Variants in FAM168B observed in about 807,000 individuals in gnomAD.
FAM168B encodes myelin-associated neurite-outgrowth inhibitor.
A neutral mutation model predicts 21.8 loss-of-function variants in FAM168B; 19 were observed. The ratio of observed to expected loss-of-function variants is 0.87; its 90% CI spans 0.61 to 1.28. FAM168B has a LOEUF of 1.28. Ranked by LOEUF, FAM168B falls within the 50% of genes most tolerant of loss-of-function variation. The pLI, the probability that FAM168B is intolerant of heterozygous loss-of-function variation, is 0.00. For synonymous variants in FAM168B, 126 were observed against 104.8 expected, an observed-to-expected ratio of 1.20 and a Z score of -1.24; for missense variants, 233 against 263.1, an observed-to-expected ratio of 0.89 and a Z score of 0.79.
intron 2 of FAM168B, among the ~76,000 whole-genome samples, chr2:131,077,371 G>A (rs1005214885): frequency 6.6e-6 from 1 of 152,150 alleles, no homozygotes; most frequent in Non-Finnish European, 1.5e-5. Flanking sequence ...TCAGGAGCAG[G>A]ACCAGGCCGC....
At position 131,048,493 on chromosome 2, in the gene FAM168B, C is replaced by A; in HGVS notation, c.*3972G>T. 1 of 1,128,914 alleles carries A rather than the reference C, an allele frequency of 8.9e-7. No individual in the cohort carries two copies. The highest frequency in any genetic ancestry group is 2.1e-5 in the South Asian group (1 of 47,246). 69.9% of individuals were successfully genotyped at this position (1,128,914 alleles called of 1,614,324 possible). On this transcript the variant is annotated 3_prime_UTR_variant, in exon 7 of 7. Coordinates refer to ENST00000389915, the MANE Select transcript of FAM168B (RefSeq NM_001009993.4). ...TTCAGTCCTGTGGACCAAGATAAGG[C>A]TATCCCCACAGGCTCTCTCTTCTTC...
intron 5 of FAM168B, among the ~76,000 whole-genome samples, chr2:131,053,954 A>G (rs1691852741): frequency 6.6e-6 from 1 of 152,242 alleles, no homozygotes; most frequent in Non-Finnish European, 1.5e-5. Context: ...CTGTAAGCCC[A>G]GCACTCTGGG....
Position 131,049,844 on chromosome 2 carries a change from G to A in FAM168B, c.*2621C>T. 2.0e-6 allele frequency: 2 copies of A among 985,808 alleles called. No homozygotes were observed. The highest frequency in any genetic ancestry group is 5.2e-4 in the Middle Eastern group (1 of 1,912). 61.1% of individuals were successfully genotyped at this position (985,808 alleles called of 1,614,324 possible). ...TTATGAAGCTTTGTAACAGAATTTT[G>A]ACCCAAGTTCTATTTCTTAATTGAC... On this transcript the variant is annotated 3_prime_UTR_variant, in exon 7 of 7. Coordinates refer to ENST00000389915, the MANE Select transcript of FAM168B (RefSeq NM_001009993.4).
chr2:131,085,686 C>T (rs181115868), intron 1 of FAM168B, among the ~76,000 whole-genome samples: 17 of 152,228 alleles, frequency 1.1e-4, no homozygotes, highest in African/African-American at 3.9e-4. Context: ...ACTTTAGTAA[C>T]TAAAACATTC....
At chr2:131,081,878 C>T (rs181934614) in intron 2 of FAM168B, among the ~76,000 whole-genome samples, 1 of 152,318 alleles carries the variant, frequency 6.6e-6, no homozygotes, top group African/African-American at 2.4e-5. Flanking sequence ...TGTTTTATTT[C>T]ACTTTCTGAG....
intron 2 of FAM168B, among the ~76,000 whole-genome samples, chr2:131,075,261 T>G (rs1342178757): frequency 6.8e-6 from 1 of 147,248 alleles, no homozygotes; most frequent in Non-Finnish European, 1.5e-5. Context: ...TTTTTTCCAA[T>G]GGTTTCCTTC....
At chr2:131,080,436 G>A (rs1305578666) in intron 2 of FAM168B, among the ~76,000 whole-genome samples, 6 of 150,782 alleles carry the variant, frequency 4.0e-5, no homozygotes, top group Admixed American at 2.0e-4. Context: ...TCTGCAGTTC[G>A]AGACCAGCCT....
At chr2:131,081,865 A>T (rs1693449019) in intron 2 of FAM168B, among the ~76,000 whole-genome samples, 1 of 152,210 alleles carries the variant, frequency 6.6e-6, no homozygotes, top group African/African-American at 2.4e-5. Flanking sequence ...TACATTTGTA[A>T]AATGTTTTAT....
chr2:131,069,574 A>G (rs1333220094), intron 3 of FAM168B, among the ~76,000 whole-genome samples: 2 of 151,988 alleles, frequency 1.3e-5, no homozygotes, highest in Non-Finnish European at 2.9e-5. Context: ...GCTCACTGCA[A>G]GCTCCGCCTT....
chr2:131,050,363 T>C lies in FAM168B; in HGVS notation c.*2102A>G. ...ACTCAATTGGGAAAAAAGACTTCTC[T>C]GCTACTTGGTCAGCTGAACCCCTGG... On this transcript the variant is annotated 3_prime_UTR_variant, in exon 7 of 7. Coordinates refer to ENST00000389915, the MANE Select transcript of FAM168B (RefSeq NM_001009993.4). 1 of 985,730 alleles carries C rather than the reference T, an allele frequency of 1.0e-6. No individual in the cohort carries two copies. The highest frequency in any genetic ancestry group is 4.7e-5 in the South Asian group (1 of 21,290). 61.1% of individuals were successfully genotyped at this position (985,730 alleles called of 1,614,324 possible).
chr2:131,092,937 G>A (rs1167043676), intron 1 of FAM168B, among the ~76,000 whole-genome samples: 2 of 152,070 alleles, frequency 1.3e-5, no homozygotes, highest in African/African-American at 2.4e-5. Context: ...CTGTGACCCC[G>A]ACCTTTAGGA....
chr2:131,081,320 A>C (rs1392322761), intron 2 of FAM168B, among the ~76,000 whole-genome samples: 2 of 152,198 alleles, frequency 1.3e-5, no homozygotes, highest in Admixed American at 6.5e-5. Flanking sequence ...GAGGCATCCC[A>C]TGCTAGCAGG....
Position 131,082,465 on chromosome 2 carries a change from T to C in FAM168B, c.70+112A>G. On this transcript the variant is annotated intron_variant, in intron 2 of 6. Coordinates refer to ENST00000389915, the MANE Select transcript of FAM168B (RefSeq NM_001009993.4). ...ATTTTTCACTTCCAGGTATTTTCTTTCTTGTCTAAGCCACTTTGAGCTGCG... is the reference window on the plus strand; with the variant it reads ...ATTTTTCACTTCCAGGTATTTTCTTCCTTGTCTAAGCCACTTTGAGCTGCG... 7 of 702,840 alleles carry C rather than the reference T, an allele frequency of 1.0e-5. No individual in the cohort carries two copies. The South Asian group carries it at 1.2e-4, about 12-fold the overall frequency. 43.5% of individuals were successfully genotyped at this position (702,840 alleles called of 1,614,324 possible). A position where few individuals can be genotyped will look rare whatever the true frequency, so the allele number is the denominator to read the frequency against.
chr2:131,070,116 C>G (rs1692800049), intron 3 of FAM168B, among the ~76,000 whole-genome samples: 1 of 152,078 alleles, frequency 6.6e-6, no homozygotes, highest in East Asian at 1.9e-4. Context: ...CTCAGCCTCC[C>G]AAATTGCTGG....
At position 131,048,232 on chromosome 2, in the gene FAM168B, G is replaced by T. The variant is rs751782624; in HGVS notation, c.*4233C>A. ...TAGTTACAATCCATGAGGCTCTCTA[G>T]GGCCTCTCCGTGTGGCCAGCACAGC... is the stretch of plus-strand genomic sequence containing the variant. On this transcript the variant is annotated 3_prime_UTR_variant, in exon 7 of 7. Transcript: ENST00000389915. 2.3e-6 allele frequency: 3 copies of T among 1,303,538 alleles called. No homozygotes were observed. Among genetic ancestry groups the T allele is most frequent in the Admixed American group, 2.3e-5 (1 of 43,512 alleles). The allele number at this position is 1,303,538 out of a possible 1,614,324, so 80.7% of individuals were successfully genotyped here.
In FAM168B at chr2:131,051,281, AG is replaced by A. The variant is rs1691659121; in HGVS notation, c.*1183del. The A allele has an allele frequency of 1.0e-6, 1 of 985,340 alleles. No homozygotes were observed. Among genetic ancestry groups the A allele is most frequent in the Middle Eastern group, 5.2e-4 (1 of 1,914 alleles). 61.0% of individuals were successfully genotyped at this position (985,340 alleles called of 1,614,324 possible). A position where few individuals can be genotyped will look rare whatever the true frequency, so the allele number is the denominator to read the frequency against. On this transcript the variant is annotated 3_prime_UTR_variant, in exon 7 of 7. Transcript: ENST00000389915. The stretch of plus-strand genomic sequence containing the variant: ...GGTGGGTGATCCCAGAAGCAGCTAC[AG>A]GTTTCTACATTTCCAGACATATCCA...
chr2:131,092,701 AC>A lies in FAM168B; in HGVS notation c.-12+512del, dbSNP rs528254924. Reference sequence around the variant, plus strand: ...GCACTGCACTCTTTTTTCAAAGTTAACCCAGGCTAGGCCACGAAACGTCCTT... The same window carrying A: ...GCACTGCACTCTTTTTTCAAAGTTAACCAGGCTAGGCCACGAAACGTCCTT... On this transcript the variant is annotated intron_variant, in intron 1 of 6. Transcript: ENST00000389915. Among the ~76,000 whole-genome samples, 6 of 152,274 alleles carry A rather than the reference AC, an allele frequency of 3.9e-5. No homozygotes were observed. The South Asian group carries it at 1.2e-3, about 32-fold the overall frequency.
chr2:131,066,578 C>G (rs1180056275), intron 3 of FAM168B, among the ~76,000 whole-genome samples: 1 of 152,174 alleles, frequency 6.6e-6, no homozygotes, highest in African/African-American at 2.4e-5. Context: ...AATTTCAGAT[C>G]ATCATTACCA....
chr2:131,080,075 C>T (rs1485263097), intron 2 of FAM168B, among the ~76,000 whole-genome samples: 1 of 151,766 alleles, frequency 6.6e-6, no homozygotes. Context: ...CAAGATCACG[C>T]CATTGCACTC....
Sources: gnomAD v4.1 joint callset for allele counts (sites outside exome capture counted in the v4.1 genomes callset) on GRCh38, gnomAD v4.1.1 for gene constraint, MANE v1.5 for transcripts, NCBI Gene and HGNC (gene_info 2026-07-23, HGNC 2026-07-21) for gene names.